The following MARCHF5 variants were observed in gnomAD, a reference collection of about 807,000 sequenced individuals.
MARCHF5 encodes the protein membrane associated ring-CH-type finger 5, also known as E3 ubiquitin-protein ligase MARCHF5.
MARCHF5 carries 5 observed loss-of-function variants against 36.5 expected under a neutral mutation model. The observed-to-expected ratio is 0.14, with a 90% CI of 0.07 to 0.29. The LOEUF (loss-of-function observed/expected upper bound fraction) is 0.29, where lower values mean the gene tolerates loss of function less well. Ranked by LOEUF, MARCHF5 falls within the 10% of genes least tolerant of loss-of-function variation. The pLI, the probability that MARCHF5 is intolerant of heterozygous loss-of-function variation, is 1.00. For synonymous variants in MARCHF5, 103 were observed against 109.9 expected, an observed-to-expected ratio of 0.94 and a Z score of 0.39; for missense variants, 179 against 336.3, an observed-to-expected ratio of 0.53 and a Z score of 3.66.
chr10:92,350,707 GT>G (rs1277116786), intron 5 of MARCHF5, among the ~76,000 whole-genome samples: 1 of 152,210 alleles, frequency 6.6e-6, no homozygotes, highest in Admixed American at 6.5e-5. Flanking sequence ...ACAGTTTGCT[GT>G]TTGGTCATAT....
intron 2 of MARCHF5, among the ~76,000 whole-genome samples, chr10:92,331,654 A>G (rs1843437089): frequency 6.6e-6 from 1 of 151,814 alleles, no homozygotes; most frequent in Non-Finnish European, 1.5e-5. Context: ...CTTAATAAGT[A>G]CTTAGTAGTT....
chr10:92,323,136 G>C (rs1488509845), intron 2 of MARCHF5, among the ~76,000 whole-genome samples: 1 of 152,132 alleles, frequency 6.6e-6, no homozygotes, highest in Non-Finnish European at 1.5e-5. Context: ...TGAACTCATG[G>C]GCTCAAGTGA....
chr10:92,333,900 C>G (rs1249614182), intron 2 of MARCHF5, among the ~76,000 whole-genome samples: 1 of 152,124 alleles, frequency 6.6e-6, no homozygotes, highest in South Asian at 2.1e-4. Flanking sequence ...AGAAAGTTGC[C>G]ATTTGAGGGC....
At chr10:92,330,031 C>T (rs1038325125) in intron 2 of MARCHF5, among the ~76,000 whole-genome samples, 3 of 152,082 alleles carry the variant, frequency 2.0e-5, no homozygotes, top group Non-Finnish European at 4.4e-5. Flanking sequence ...TTATTAGAGA[C>T]GGGGTTTCAC....
intron 1 of MARCHF5, among the ~76,000 whole-genome samples, 174 bp from the exon 2 acceptor site, chr10:92,310,961 A>G (rs1014415949): frequency 2.6e-5 from 4 of 152,252 alleles, no homozygotes; most frequent in African/African-American, 7.2e-5. Context: ...CAGAAAAAGT[A>G]GAAACTGCTC....
Position 92,351,078 on chromosome 10 carries a change from C to T in MARCHF5, c.721-13C>T, listed in dbSNP as rs1217377534. 3 of 1,479,078 alleles carry T rather than the reference C, an allele frequency of 2.0e-6. No individual in the cohort carries two copies. Among genetic ancestry groups the T allele is most frequent in the East Asian group, 2.3e-5 (1 of 43,838 alleles). The allele number at this position is 1,479,078 out of a possible 1,614,324, so 91.6% of individuals were successfully genotyped here. ...TCTGCATTATAAAAAGCTAATTTTC[C>T]TTTTTATTTTAGGGTGGAATTGCGT... On this transcript the variant is annotated splice_polypyrimidine_tract_variant and intron_variant, in intron 5 of 5. Transcript: ENST00000358935.
chr10:92,329,645 G>A (rs1188902595), intron 2 of MARCHF5, among the ~76,000 whole-genome samples: 3 of 152,036 alleles, frequency 2.0e-5, no homozygotes, highest in Non-Finnish European at 2.9e-5. Context: ...ATGGACTTAA[G>A]AACTCAAGTA....
Position 92,353,790 on chromosome 10 carries a change from T to C in MARCHF5, c.*2583T>C, listed in dbSNP as rs1231153807. 6.6e-6 allele frequency: 1 copy of C among 152,626 alleles called. No homozygotes were observed. The highest frequency in any genetic ancestry group is 1.5e-5 in the Non-Finnish European group (1 of 68,030). The allele number at this position is 152,626 out of a possible 1,614,324, so 9.5% of individuals were successfully genotyped here. A position where few individuals can be genotyped will look rare whatever the true frequency, so the allele number is the denominator to read the frequency against. ...CTTATCTCCAAAGTGGCTGAAAATA[T>C]TGTTTACCATTACATGATTATGAAA... is the stretch of plus-strand genomic sequence containing the variant. On this transcript the variant is annotated 3_prime_UTR_variant, in exon 6 of 6. Coordinates refer to ENST00000358935, the MANE Select transcript of MARCHF5 (RefSeq NM_017824.5).
At chr10:92,330,690 T>C (rs556648067) in intron 2 of MARCHF5, among the ~76,000 whole-genome samples, 3 of 152,358 alleles carry the variant, frequency 2.0e-5, no homozygotes, top group Admixed American at 6.5e-5. Context: ...GGGGTGACCA[T>C]ATAGTTTAGA....
chr10:92,304,383 A>G (rs1843048911), intron 1 of MARCHF5, among the ~76,000 whole-genome samples: 1 of 152,170 alleles, frequency 6.6e-6, no homozygotes, highest in South Asian at 2.1e-4. Flanking sequence ...AACATTTTTT[A>G]TGCTAAAACT....
intron 1 of MARCHF5, among the ~76,000 whole-genome samples, chr10:92,299,528 C>T (rs571620932): frequency 5.3e-5 from 8 of 152,328 alleles, no homozygotes; most frequent in Non-Finnish European, 1.2e-4. Flanking sequence ...TGAAATACCA[C>T]AGTGACACCT....
At position 92,328,847 on chromosome 10, in the gene MARCHF5, TGATA is replaced by T. The variant is rs754818366; in HGVS notation, c.239-11820_239-11817del. ...TTTTTTTTTTTTTTACAGGAATATCTGATAGATAGTTTGTGTGCTTCTTATTGCA... is the reference window on the plus strand; with the variant it reads ...TTTTTTTTTTTTTTACAGGAATATCTGATAGTTTGTGTGCTTCTTATTGCA... On this transcript the variant is annotated intron_variant, in intron 2 of 5. Transcript: ENST00000358935. Among the ~76,000 whole-genome samples, 28 of 147,118 alleles carry T rather than the reference TGATA, an allele frequency of 1.9e-4. No individual in the cohort carries two copies. In the East Asian group the frequency reaches 2.4e-3, roughly 12 times the overall value.
At chr10:92,340,245 A>C (rs1403017757) in intron 2 of MARCHF5, among the ~76,000 whole-genome samples, 1 of 152,218 alleles carries the variant, frequency 6.6e-6, no homozygotes, top group Non-Finnish European at 1.5e-5. Flanking sequence ...TTGAGACTCT[A>C]ATTTTAGGTT....
rs1485993720 is a variant in MARCHF5 at position 92,352,506 on chromosome 10, G to A, written c.*1299G>A. 2.6e-5 allele frequency: 4 copies of A among 152,172 alleles called. No homozygotes were observed. In the Middle Eastern group the frequency reaches 0.01, roughly 388 times the overall value. 9.4% of individuals were successfully genotyped at this position (152,172 alleles called of 1,614,324 possible). A position where few individuals can be genotyped will look rare whatever the true frequency, so the allele number is the denominator to read the frequency against. On this transcript the variant is annotated 3_prime_UTR_variant, in exon 6 of 6. Transcript: ENST00000358935. ...CATTTTAATGTTCAGCAACCTGAAT[G>A]GTTATTTTTGTTAATTAAAATTAAA...
intron 1 of MARCHF5, among the ~76,000 whole-genome samples, chr10:92,292,047 C>T (rs1320907533): frequency 6.6e-6 from 1 of 150,510 alleles, no homozygotes; most frequent in African/African-American, 2.4e-5. Flanking sequence ...CCCGTCCCCA[C>T]CTCCGAACTG....
At chr10:92,347,497 GA>G (rs1843659359) in intron 3 of MARCHF5, among the ~76,000 whole-genome samples, 1 of 85,488 alleles carries the variant, frequency 1.2e-5, no homozygotes, top group Non-Finnish European at 2.5e-5. Context: ...TAGATAGATA[GA>G]TAGATAGATA....
intron 3 of MARCHF5, among the ~76,000 whole-genome samples, chr10:92,342,291 G>A (rs1843590214): frequency 6.6e-6 from 1 of 151,966 alleles, no homozygotes; most frequent in South Asian, 2.1e-4. Context: ...TGGGACTACA[G>A]GCACACACCA....
chr10:92,328,823 T>TATATA (rs1330052359), intron 2 of MARCHF5, among the ~76,000 whole-genome samples: 28 of 130,814 alleles, frequency 2.1e-4, no homozygotes, highest in African/African-American at 8.3e-4. Flanking sequence ...ATATATATAT[T>TATATA]TTTTTTTTTT....
intron 2 of MARCHF5, among the ~76,000 whole-genome samples, chr10:92,313,521 C>T (rs538279099): frequency 1.3e-5 from 2 of 151,890 alleles, no homozygotes; most frequent in East Asian, 3.9e-4. Flanking sequence ...AGGAGAATGG[C>T]GTAAACCCGG....
Sources: allele counts gnomAD v4.1 joint callset (sites outside exome capture counted in the v4.1 genomes callset), GRCh38; gene constraint gnomAD v4.1.1; transcripts MANE v1.5; gene names NCBI Gene and HGNC (gene_info 2026-07-23, HGNC 2026-07-21).